SLC35G2: variants seen among roughly 807,000 people sequenced by gnomAD.
SLC35G2 encodes the protein solute carrier family 35 member G2, also known as transmembrane protein 22.
SLC35G2 carries 20 observed loss-of-function variants against 27.2 expected under a neutral mutation model. That is an observed-to-expected ratio of 0.74 (90% confidence interval 0.52 to 1.07). The LOEUF (loss-of-function observed/expected upper bound fraction) is 1.07, where lower values mean the gene tolerates loss of function less well. Ranked by LOEUF, SLC35G2 falls within the 50% of genes least tolerant of loss-of-function variation. The probability of loss-of-function intolerance (pLI) is 0.00; values close to 1 mark genes in which losing one functional copy is unlikely to be tolerated. For synonymous variants in SLC35G2, 148 were observed against 165.3 expected, an observed-to-expected ratio of 0.90 and a Z score of 0.80; for missense variants, 416 against 493.3, an observed-to-expected ratio of 0.84 and a Z score of 1.48.
intron 1 of SLC35G2, among the ~76,000 whole-genome samples, chr3:136,848,391 G>A (rs1178004786): frequency 6.6e-6 from 1 of 152,142 alleles, no homozygotes; most frequent in Non-Finnish European, 1.5e-5. Flanking sequence ...GGCTGAGGTT[G>A]GTGGATCACT....
At chr3:136,834,667 G>A (rs1936818125) in intron 1 of SLC35G2, among the ~76,000 whole-genome samples, 2 of 152,040 alleles carry the variant, frequency 1.3e-5, no homozygotes, top group Non-Finnish European at 2.9e-5. Flanking sequence ...CACCACCACT[G>A]TCTCACTATC....
rs1319961111 is a variant in SLC35G2 at position 136,855,150 on chromosome 3, C to T, written c.690C>T (p.Ile230=). 6.2e-7 allele frequency: 1 copy of T among 1,614,012 alleles called. No homozygotes were observed. Among genetic ancestry groups the T allele is most frequent in the East Asian group, 2.2e-5 (1 of 44,892 alleles). ...YVDMATVVCS[I]LGVCLVMIPN... ...ACATGGCTACAGTTGTTTGCAGCATCTTAGGTGTTTGTCTTGTCATGATCC... is the reference window on the plus strand; with the variant it reads ...ACATGGCTACAGTTGTTTGCAGCATTTTAGGTGTTTGTCTTGTCATGATCC... The change falls in exon 2 of 2, where the codon ATC becomes ATT. Residue 230 remains isoleucine (I), a synonymous_variant. Coordinates refer to ENST00000446465, the MANE Select transcript of SLC35G2 (RefSeq NM_025246.3).
At position 136,855,771 on chromosome 3, in the gene SLC35G2, T is replaced by C; in HGVS notation, c.*72T>C. 1 of 1,211,778 alleles carries C rather than the reference T, an allele frequency of 8.3e-7. No homozygotes were observed. The highest frequency in any genetic ancestry group is 1.3e-5 in the South Asian group (1 of 77,704). The allele number at this position is 1,211,778 out of a possible 1,614,324, so 75.1% of individuals were successfully genotyped here. ...TGCCATTTTAATGTTTACCTATGAA[T>C]GTCTTTTGTGTTATATAACTGACAG... On this transcript the variant is annotated 3_prime_UTR_variant, in exon 2 of 2. Transcript: ENST00000446465.
At chr3:136,838,873 ACAAC>A (rs1936978555) in intron 1 of SLC35G2, 1 of 152,236 alleles carries the variant, frequency 6.6e-6, no homozygotes, top group East Asian at 1.9e-4. Context: ...TAAATTACAA[ACAAC>A]CAAGAAGTAC....
chr3:136,820,857 C>A (rs9682106), intron 1 of SLC35G2, among the ~76,000 whole-genome samples: 103,064 of 151,742 alleles, frequency 0.68, 35,274 homozygotes, highest in East Asian at 0.87. Flanking sequence ...TACTCATTTA[C>A]ATTCCAGAAC....
In SLC35G2 at chr3:136,822,879, C is replaced by T. The variant is rs575587044; in HGVS notation, c.-19+3251C>T. On this transcript the variant is annotated intron_variant, in intron 1 of 1. Transcript: ENST00000446465. ...CAGTGCGGCAACAAACATGGGAATG[C>T]AGATAACTCTTCCATATACTGATTT... is the stretch of plus-strand genomic sequence containing the variant. Among the ~76,000 whole-genome samples, 5 of 152,328 alleles carry T rather than the reference C, an allele frequency of 3.3e-5. No homozygotes were observed. The South Asian group carries it at 1.0e-3, about 32-fold the overall frequency.
At position 136,833,776 on chromosome 3, in the gene SLC35G2, T is replaced by C. The variant is rs79729526; in HGVS notation, c.-19+14148T>C. Among the ~76,000 whole-genome samples the C allele has an allele frequency of 7.0e-3, 1,061 of 152,226 alleles. 15 individuals are homozygous for C. The highest frequency in any genetic ancestry group is 0.024 in the African/African-American group (988 of 41,526). On this transcript the variant is annotated intron_variant, in intron 1 of 1. Coordinates refer to ENST00000446465, the MANE Select transcript of SLC35G2 (RefSeq NM_025246.3). ...TAGTTCCTAACAGGCCACAGACTAG[T>C]ACTAGTTCATGCACTGAGGGTTGGG...
intron 1 of SLC35G2, among the ~76,000 whole-genome samples, chr3:136,827,414 A>C (rs1936613919): frequency 6.6e-6 from 1 of 152,050 alleles, no homozygotes. Context: ...AGGTTTTGCC[A>C]TGTTGCCAAG....
chr3:136,827,778 G>C (rs1576887645), intron 1 of SLC35G2, among the ~76,000 whole-genome samples: 2 of 150,384 alleles, frequency 1.3e-5, no homozygotes, highest in South Asian at 2.1e-4. Context: ...AATTCTTCTT[G>C]TTATTGATTT....
chr3:136,823,449 C>T (rs1936507207), intron 1 of SLC35G2, among the ~76,000 whole-genome samples: 1 of 152,154 alleles, frequency 6.6e-6, no homozygotes, highest in Admixed American at 6.5e-5. Context: ...CTTTGGTTGC[C>T]TATGCTGGTG....
At chr3:136,834,083 A>T (rs1936802857) in intron 1 of SLC35G2, among the ~76,000 whole-genome samples, 3 of 152,098 alleles carry the variant, frequency 2.0e-5, no homozygotes, top group Non-Finnish European at 4.4e-5. Flanking sequence ...GCCTAAATTA[A>T]TGAAAGGTGA....
At chr3:136,837,073 T>C (rs1936893413) in intron 1 of SLC35G2, among the ~76,000 whole-genome samples, 1 of 152,232 alleles carries the variant, frequency 6.6e-6, no homozygotes, top group South Asian at 2.1e-4. Context: ...TATTCTTTGC[T>C]GCCATTTGGA....
chr3:136,845,634 G>C (rs1173013143), intron 1 of SLC35G2, among the ~76,000 whole-genome samples: 1 of 148,958 alleles, frequency 6.7e-6, no homozygotes, highest in African/African-American at 2.5e-5. Flanking sequence ...GTCTCGCTCT[G>C]TCGCCAGGCT....
At chr3:136,849,459 CT>C (rs397753059) in intron 1 of SLC35G2, among the ~76,000 whole-genome samples, 107 of 148,258 alleles carry the variant, frequency 7.2e-4, no homozygotes, top group African/African-American at 1.9e-3. Flanking sequence ...TTGAACCCAA[CT>C]TTTTTTTTTT....
chr3:136,835,994 C>A (rs978538799), intron 1 of SLC35G2, among the ~76,000 whole-genome samples: 1 of 152,096 alleles, frequency 6.6e-6, no homozygotes, highest in African/African-American at 2.4e-5. Flanking sequence ...TCAGCTGTTT[C>A]TCCACTGAGC....
Position 136,855,325 on chromosome 3 carries a change from T to C in SLC35G2, c.865T>C (p.Phe289Leu). The C allele has an allele frequency of 6.2e-7, 1 of 1,614,166 alleles. No homozygotes were observed. The highest frequency in any genetic ancestry group is 8.5e-7 in the Non-Finnish European group (1 of 1,180,008). ...KEKISMWTAL[F>L]TFGWTGTIWG... ...GAAGATCAGCATGTGGACTGCACTG[T>C]TTACTTTTGGTTGGACTGGGACAAT... Residue 289 changes from phenylalanine to leucine, a missense_variant, in exon 2 of 2, where the codon TTT becomes CTT. Coordinates refer to ENST00000446465, the MANE Select transcript of SLC35G2 (RefSeq NM_025246.3).
At chr3:136,823,762 A>AT (rs59489340) in intron 1 of SLC35G2, among the ~76,000 whole-genome samples, 403 of 142,014 alleles carry the variant, frequency 2.8e-3, no homozygotes, top group Middle Eastern at 3.6e-3. Flanking sequence ...CACCTGGCTA[A>AT]TTTTTTTTTT....
intron 1 of SLC35G2, among the ~76,000 whole-genome samples, chr3:136,846,909 C>T (rs1168903079): frequency 1.3e-5 from 2 of 152,168 alleles, no homozygotes; most frequent in African/African-American, 4.8e-5. Flanking sequence ...GTGGCTCACA[C>T]CTGTAATCCC....
At chr3:136,851,305 T>C (rs922291028) in intron 1 of SLC35G2, among the ~76,000 whole-genome samples, 5 of 151,504 alleles carry the variant, frequency 3.3e-5, no homozygotes, top group African/African-American at 1.2e-4. Context: ...CCGTCCTGGC[T>C]AATACGGTGA....
Sources: allele counts gnomAD v4.1 joint callset (sites outside exome capture counted in the v4.1 genomes callset), GRCh38; gene constraint gnomAD v4.1.1; transcripts MANE v1.5; gene names NCBI Gene and HGNC (gene_info 2026-07-23, HGNC 2026-07-21).